The following ASAP1 variants were observed in gnomAD, a reference collection of about 807,000 sequenced individuals.
The protein encoded by ASAP1 is arf-GAP with SH3 domain, ANK repeat and PH domain-containing protein 1.
ASAP1 carries 43 observed loss-of-function variants against 145.2 expected under a neutral mutation model. That is an observed-to-expected ratio of 0.30 (90% CI 0.23 to 0.38). The LOEUF (loss-of-function observed/expected upper bound fraction) is 0.38, where lower values mean the gene tolerates loss of function less well. ASAP1 is among the 10% of genes least tolerant of loss of function. The probability of loss-of-function intolerance (pLI) is 1.00; values close to 1 mark genes in which losing one functional copy is unlikely to be tolerated. For missense variants in ASAP1, 1,018 were observed against 1,355.3 expected (o/e 0.75, Z 3.91); for synonymous variants, 546 against 515.5 (o/e 1.06, Z -0.80).
In ASAP1 at chr8:130,358,218, C is replaced by A. The variant is rs1238243380; in HGVS notation, c.60-75G>T. ...CAGGCTCCCGGGGCCGCGGGCCGCC[C>A]GGAGGCTCATGAACCCCGGCGCGCA... On this transcript the variant is annotated intron_variant, in intron 2 of 29. Transcript: ENST00000518721. This position sits in a 1 kb window ranked among gnomAD's most constrained non-coding sequence, Gnocchi z 4.1. The A allele has an allele frequency of 1.6e-5, 22 of 1,363,106 alleles. No individual in the cohort carries two copies. Among genetic ancestry groups the A allele is most frequent in the Admixed American group, 2.2e-5 (1 of 45,456 alleles). The allele number at this position is 1,363,106 out of a possible 1,614,324, so 84.4% of individuals were successfully genotyped here. A position where few individuals can be genotyped will look rare whatever the true frequency, so the allele number is the denominator to read the frequency against.
At chr8:130,233,930 A>T (rs1420125910) in intron 4 of ASAP1, among the ~76,000 whole-genome samples, 1 of 152,226 alleles carries the variant, frequency 6.6e-6, no homozygotes, top group Non-Finnish European at 1.5e-5. Flanking sequence ...GGCCAGTGCA[A>T]CAGTTCTTAA....
chr8:130,278,921 C>T (rs544152270), intron 3 of ASAP1, among the ~76,000 whole-genome samples: 14 of 152,284 alleles, frequency 9.2e-5, no homozygotes, highest in Admixed American at 7.2e-4. Context: ...TTACAAAGCC[C>T]TTCCTCATCC....
chr8:130,191,907 G>A (rs1418467847), intron 5 of ASAP1, among the ~76,000 whole-genome samples: 1 of 152,044 alleles, frequency 6.6e-6, no homozygotes, highest in Non-Finnish European at 1.5e-5. Flanking sequence ...ACCCTTTCCT[G>A]TTGTTTTCAT....
chr8:130,091,638 T>G (rs948086355), intron 25 of ASAP1, among the ~76,000 whole-genome samples: 3 of 152,222 alleles, frequency 2.0e-5, no homozygotes, highest in Non-Finnish European at 4.4e-5. Flanking sequence ...CCATTCTGGC[T>G]GTTGTGAGGA....
At chr8:130,377,655 G>T (rs1186991403) in intron 2 of ASAP1, among the ~76,000 whole-genome samples, 2 of 152,172 alleles carry the variant, frequency 1.3e-5, no homozygotes, top group Non-Finnish European at 2.9e-5. Flanking sequence ...ACACATCTCA[G>T]GGCTCCTCCA....
At chr8:130,374,902 A>G (rs1423900415) in intron 2 of ASAP1, among the ~76,000 whole-genome samples, 1 of 152,220 alleles carries the variant, frequency 6.6e-6, no homozygotes, top group African/African-American at 2.4e-5. Flanking sequence ...CAAGACATCC[A>G]AGACTACCTC....
chr8:130,128,703 T>C (rs1468345851), intron 15 of ASAP1, among the ~76,000 whole-genome samples: 1 of 152,202 alleles, frequency 6.6e-6, no homozygotes, highest in Non-Finnish European at 1.5e-5. Flanking sequence ...GTATGACTAC[T>C]GTATGTCCCA....
intron 3 of ASAP1, among the ~76,000 whole-genome samples, chr8:130,347,977 T>A (rs1586879265): frequency 6.6e-6 from 1 of 152,108 alleles, no homozygotes; most frequent in African/African-American, 2.4e-5. Flanking sequence ...CTAACACACT[T>A]GGGGTTTCTA....
In ASAP1 at chr8:130,359,087, G is replaced by A. The variant is rs1437818342; in HGVS notation, c.60-944C>T. On this transcript the variant is annotated intron_variant, in intron 2 of 29. Transcript: ENST00000518721. ...TGCCCGCTCGCCCCATCTCTCTGCA[G>A]GGTGCTCCTCACCGCTTACAGGCTG... 2.6e-5 allele frequency among the ~76,000 whole-genome samples: 4 copies of A among 152,208 alleles called. No homozygotes were observed. The East Asian group carries it at 7.7e-4, about 29-fold the overall frequency.
chr8:130,247,852 T>C (rs1818944067), intron 3 of ASAP1, among the ~76,000 whole-genome samples: 3 of 152,196 alleles, frequency 2.0e-5, no homozygotes, highest in Admixed American at 2.0e-4. Flanking sequence ...ACTTCACAAA[T>C]TGAAAACTAG....
intron 3 of ASAP1, among the ~76,000 whole-genome samples, chr8:130,351,989 C>A (rs1826022777): frequency 6.6e-6 from 1 of 152,242 alleles, no homozygotes; most frequent in African/African-American, 2.4e-5. Flanking sequence ...CACTCACTGA[C>A]CTTTGCTGGT....
intron 1 of ASAP1, among the ~76,000 whole-genome samples, chr8:130,404,778 C>T (rs1828949202): frequency 6.6e-6 from 1 of 152,200 alleles, no homozygotes. Context: ...GGATTCTGGA[C>T]TGGATCACTG....
chr8:130,377,785 G>A (rs1827574793), intron 2 of ASAP1, among the ~76,000 whole-genome samples: 1 of 152,104 alleles, frequency 6.6e-6, no homozygotes, highest in African/African-American at 2.4e-5. Flanking sequence ...TGTGTCTCAG[G>A]GTGCTCTCCA....
intron 27 of ASAP1, among the ~76,000 whole-genome samples, chr8:130,071,496 T>A (rs961708026): frequency 2.6e-5 from 4 of 152,226 alleles, no homozygotes; most frequent in Non-Finnish European, 5.9e-5. Flanking sequence ...AGCTACTTGC[T>A]AGACTTGTAT....
At chr8:130,353,413 T>G (rs75977351) in intron 3 of ASAP1, among the ~76,000 whole-genome samples, 2 of 152,180 alleles carry the variant, frequency 1.3e-5, no homozygotes, top group Non-Finnish European at 2.9e-5. Context: ...AATATAAACA[T>G]GAAGAAACAC....
chr8:130,265,891 A>G (rs986337777), intron 3 of ASAP1, among the ~76,000 whole-genome samples: 1 of 152,192 alleles, frequency 6.6e-6, no homozygotes, highest in Non-Finnish European at 1.5e-5. Context: ...CGAAAAAAGC[A>G]AAGAAGGACT....
intron 3 of ASAP1, among the ~76,000 whole-genome samples, chr8:130,352,664 A>C (rs1826069581): frequency 6.6e-6 from 1 of 152,244 alleles, no homozygotes; most frequent in African/African-American, 2.4e-5. Context: ...CTAGCTGGAC[A>C]AAATACTTAA....
chr8:130,105,526 C>T (rs1310608223), intron 24 of ASAP1, among the ~76,000 whole-genome samples: 2 of 152,168 alleles, frequency 1.3e-5, no homozygotes, highest in Admixed American at 6.5e-5. Context: ...GAATACAGTA[C>T]GTTATTAACT....
intron 20 of ASAP1, among the ~76,000 whole-genome samples, chr8:130,117,611 C>T (rs955414011): frequency 1.3e-5 from 2 of 152,300 alleles, no homozygotes; most frequent in African/African-American, 2.4e-5. Flanking sequence ...GTCCAAACTT[C>T]CTATATTCAC....
Sources: gnomAD v4.1 joint callset for allele counts (sites outside exome capture counted in the v4.1 genomes callset) on GRCh38, gnomAD v4.1.1 for gene constraint, Gnocchi (gnomAD v3.1) non-coding constraint, MANE v1.5 for transcripts, NCBI Gene and HGNC (gene_info 2026-07-23, HGNC 2026-07-21) for gene names.